PLCZ1: variants seen among roughly 807,000 people sequenced by gnomAD.
PLCZ1 encodes 1-phosphatidylinositol 4,5-bisphosphate phosphodiesterase zeta-1.
Under a neutral mutation model 76.8 loss-of-function variants are expected in PLCZ1, and 64 were observed. That is an observed-to-expected ratio of 0.83 (90% confidence interval 0.68 to 1.03). The LOEUF is 1.03. Ranked by LOEUF, PLCZ1 falls within the 50% of genes least tolerant of loss-of-function variation. PLCZ1 has a pLI of 0.00. For missense variants in PLCZ1, 751 were observed against 713.7 expected (o/e 1.05, Z -0.60); for synonymous variants, 248 against 230.8 (o/e 1.07, Z -0.68).
chr12:18,675,247 A>T, the PLCZ1 span, among the ~76,000 whole-genome samples: 2 of 152,184 alleles, frequency 1.3e-5, no homozygotes, highest in African/African-American at 4.8e-5. Flanking sequence ...TAAAACCAGC[A>T]AATCAGCTTA....
intron 12 of PLCZ1, chr12:18,693,443 A>C: frequency 6.2e-7 from 1 of 1,605,394 alleles, no homozygotes; most frequent in South Asian, 1.1e-5. Flanking sequence ...CAAGGGGGTC[A>C]TTCTCTGTGG....
At chr12:18,708,213 T>C (rs1956860480) in intron 6 of PLCZ1, among the ~76,000 whole-genome samples, 1 of 152,198 alleles carries the variant, frequency 6.6e-6, no homozygotes, top group Non-Finnish European at 1.5e-5. Flanking sequence ...TGTTTGGTTA[T>C]CTATCTCTGT....
chr12:18,729,291 ATTT>A (rs751889646), intron 3 of PLCZ1, among the ~76,000 whole-genome samples: 11,015 of 151,988 alleles, frequency 0.072, 498 homozygotes, highest in Middle Eastern at 0.12. Context: ...ATTCCTTCTT[ATTT>A]AAGGTCCAGC....
At chr12:18,690,995 G>C (rs145744397) in intron 12 of PLCZ1, among the ~76,000 whole-genome samples, 90 of 152,276 alleles carry the variant, frequency 5.9e-4, no homozygotes, top group Non-Finnish European at 1.1e-3. Flanking sequence ...TCAACTTGTG[G>C]AGAATAGATA....
chr12:18,715,709 A>T (rs1957909939), intron 5 of PLCZ1: 1 of 152,180 alleles, frequency 6.6e-6, no homozygotes, highest in African/African-American at 2.4e-5. Context: ...CACCCACACT[A>T]AAGTGCAGCC....
chr12:18,691,350 G>C (rs557199994), intron 12 of PLCZ1, among the ~76,000 whole-genome samples: 14 of 152,246 alleles, frequency 9.2e-5, no homozygotes, highest in Admixed American at 8.5e-4. Context: ...AAGGAGGTAA[G>C]GATGCTCAGT....
At chr12:18,700,570 G>C (rs1955763220) in intron 9 of PLCZ1, among the ~76,000 whole-genome samples, 1 of 145,128 alleles carries the variant, frequency 6.9e-6, no homozygotes, top group Admixed American at 7.0e-5. Context: ...CATTCCACTG[G>C]ATTTGAAGCT....
At chr12:18,724,329 TGA>T (rs1202030724) in intron 3 of PLCZ1, among the ~76,000 whole-genome samples, 1 of 151,878 alleles carries the variant, frequency 6.6e-6, no homozygotes, top group African/African-American at 2.4e-5. Context: ...TTTAGACAAA[TGA>T]GAGAGATAAC....
At chr12:18,699,663 C>T in intron 10 of PLCZ1, 131 bp downstream of exon 10, 1 of 1,010,960 alleles carries the variant, frequency 9.9e-7, no homozygotes, top group Non-Finnish European at 1.5e-6. Context: ...TAACCCCATT[C>T]TAAATTATGT....
At chr12:18,724,749 G>A (rs1958655034) in intron 3 of PLCZ1, among the ~76,000 whole-genome samples, 2 of 151,970 alleles carry the variant, frequency 1.3e-5, no homozygotes, top group African/African-American at 2.4e-5. Flanking sequence ...TTTCATTTTA[G>A]CCTTATCTCA....
rs183454038 is a variant in PLCZ1, at chr12:18,693,641, G to A, written c.1461+1269C>T. Reference sequence around the variant, plus strand: ...CATTGTGTTTATTGATGAAATTGACGCCATTGGGACAAAAAGATATGACTC... The same window carrying A: ...CATTGTGTTTATTGATGAAATTGACACCATTGGGACAAAAAGATATGACTC... On this transcript the variant is annotated intron_variant, in intron 12 of 14. Transcript: ENST00000266505. 1.2e-5 allele frequency: 19 copies of A among 1,562,922 alleles called. No individual in the cohort carries two copies. The Admixed American group carries it at 2.2e-4, about 18-fold the overall frequency.
At chr12:18,659,728 G>A in the PLCZ1 span, among the ~76,000 whole-genome samples, 1 of 145,472 alleles carries the variant, frequency 6.9e-6, no homozygotes, top group African/African-American at 2.6e-5. Flanking sequence ...CAACGTGCAG[G>A]TTTGTTAAAT....
Position 18,700,512 on chromosome 12 carries a change from C to CAAAAAAAAAAAAAAAAAAAAAAAAA in PLCZ1, c.1018-563_1018-562insTTTTTTTTTTTTTTTTTTTTTTTTT, listed in dbSNP as rs11324526. On this transcript the variant is annotated intron_variant, in intron 9 of 14. Coordinates refer to ENST00000266505, the MANE Select transcript of PLCZ1 (RefSeq NM_033123.4). ...GCATAACCAGATCAGAGCCAACGTA[C>CAAAAAAAAAAAAAAAAAAAAAAAAA]AAAAAAAAAAAAAAAAAAAAAAAAT... Among the ~76,000 whole-genome samples, 2 of 67,896 alleles carry CAAAAAAAAAAAAAAAAAAAAAAAAA rather than the reference C, an allele frequency of 2.9e-5. 1 individual carries two copies. The highest frequency in any genetic ancestry group is 5.0e-5 in the Non-Finnish European group (2 of 39,900). 44.5% of individuals were successfully genotyped at this position (67,896 alleles called of 152,430 possible). A position where few individuals can be genotyped will look rare whatever the true frequency, so the allele number is the denominator to read the frequency against.
chr12:18,721,715 T>TA (rs35492057), intron 4 of PLCZ1, among the ~76,000 whole-genome samples: 1,818 of 139,846 alleles, frequency 0.013, 35 homozygotes, highest in African/African-American at 0.034. Flanking sequence ...GTCTTGCTAT[T>TA]AAAAAAAAAA....
At chr12:18,668,907 C>T in the PLCZ1 span, among the ~76,000 whole-genome samples, 1 of 151,974 alleles carries the variant, frequency 6.6e-6, no homozygotes, top group South Asian at 2.1e-4. Flanking sequence ...TTGTAAATGT[C>T]AGCAAAGACG....
At chr12:18,648,323 A>G in the PLCZ1 span, 3 of 233,472 alleles carry the variant, frequency 1.3e-5, no homozygotes, top group East Asian at 1.9e-4. Context: ...ACATAGGTTT[A>G]CATTTGTTTT....
chr12:18,648,396 A>T, the PLCZ1 span: 1 of 217,424 alleles, frequency 4.6e-6, no homozygotes, highest in East Asian at 6.8e-5. Context: ...ACAATCAAAT[A>T]AACCTCATCA....
At chr12:18,659,108 A>C in the PLCZ1 span, among the ~76,000 whole-genome samples, 1 of 152,158 alleles carries the variant, frequency 6.6e-6, no homozygotes, top group African/African-American at 2.4e-5. Flanking sequence ...AGACACACTA[A>C]AAGTGGGCCA....
At chr12:18,707,645 T>C (rs908757002) in intron 6 of PLCZ1, among the ~76,000 whole-genome samples, 1 of 152,184 alleles carries the variant, frequency 6.6e-6, no homozygotes, top group African/African-American at 2.4e-5. Flanking sequence ...TTTATTCTAG[T>C]AAACTCATGC....
Sources: allele counts gnomAD v4.1 joint callset (sites outside exome capture counted in the v4.1 genomes callset), GRCh38; gene constraint gnomAD v4.1.1; transcripts MANE v1.5; gene names NCBI Gene and HGNC (gene_info 2026-07-23, HGNC 2026-07-21).